RIIAD1: variants seen among roughly 807,000 people sequenced by gnomAD.
The protein encoded by RIIAD1 is regulatory subunit of type II PKA R-subunit domain containing 1.
RIIAD1 carries 15 observed loss-of-function variants against 13.3 expected under a neutral mutation model. The ratio of observed to expected loss-of-function variants is 1.13; its 90% CI spans 0.76 to 1.74. RIIAD1 has a LOEUF of 1.74. Ranked by LOEUF, RIIAD1 falls within the 40% of genes most tolerant of loss-of-function variation. The pLI is 0.00. For missense variants in RIIAD1, 121 were observed against 112.2 expected (o/e 1.08, Z -0.35); for synonymous variants, 50 against 43.3 (o/e 1.16, Z -0.61).
At chr1:151,721,728 T>G in intron 1 of RIIAD1, 108 bp downstream of exon 1, 3 of 614,604 alleles carry the variant, frequency 4.9e-6, no homozygotes, top group Non-Finnish European at 7.4e-6. Context: ...CGGGAGCCTG[T>G]TCCCTGATAA....
At chr1:151,721,983 T>C in intron 1 of RIIAD1, 103 bp from the exon 2 acceptor site, 1 of 777,316 alleles carries the variant, frequency 1.3e-6, no homozygotes, top group Admixed American at 2.4e-5. Flanking sequence ...GGGGAAAGAC[T>C]TGGGTTAAAT....
At chr1:151,726,019 C>T (rs1483209749) in intron 2 of RIIAD1, among the ~76,000 whole-genome samples, 1 of 152,204 alleles carries the variant, frequency 6.6e-6, no homozygotes, top group Non-Finnish European at 1.5e-5. Context: ...CTACAACCCA[C>T]TTCCTACTCT....
At chr1:151,721,510 G>T, upstream of RIIAD1, 1 of 1,286,802 alleles carries the variant, frequency 7.8e-7, no homozygotes. Flanking sequence ...CCGGCTCGCG[G>T]CCGGTCGCCT....
At chr1:151,728,739 A>G (rs1474412164) in intron 3 of RIIAD1, 27 bp from the exon 4 acceptor site, 1 of 1,357,890 alleles carries the variant, frequency 7.4e-7, no homozygotes, top group East Asian at 2.5e-5. Flanking sequence ...GGTATAGATG[A>G]TGTCTTCTTT....
Position 151,721,567 on chromosome 1 carries a change from C to G in RIIAD1, c.31C>G (p.Pro11Ala). 4 of 1,327,650 alleles carry G rather than the reference C, an allele frequency of 3.0e-6. No homozygotes were observed. Among genetic ancestry groups the G allele is most frequent in the Non-Finnish European group, 2.9e-6 (3 of 1,036,744 alleles). 82.2% of individuals were successfully genotyped at this position (1,327,650 alleles called of 1,614,324 possible). The stretch of plus-strand genomic sequence containing the variant: ...GACGCTGCCAGGCTTGCTGCAGCGG[C>G]CCGACCCCGGGGCGCTTAGCGCAGC... The part of the protein sequence containing the change: METLPGLLQR[P>A]DPGALSAAQL... Residue 11 changes from proline to alanine, a missense_variant, in exon 1 of 5, where the codon CCC becomes GCC. By Grantham distance (27) the Pro-to-Ala change is conservative. Transcript: ENST00000479191.
chr1:151,719,232 C>T (rs1416447848), upstream of RIIAD1, among the ~76,000 whole-genome samples: 1 of 152,114 alleles, frequency 6.6e-6, no homozygotes, highest in African/African-American at 2.4e-5. Flanking sequence ...GTGAACACAT[C>T]TCTGGTGTTC....
At chr1:151,719,849 C>T (rs1164244039), upstream of RIIAD1, among the ~76,000 whole-genome samples, 4 of 152,096 alleles carry the variant, frequency 2.6e-5, no homozygotes, top group South Asian at 2.1e-4. Flanking sequence ...GATTGGCAGA[C>T]GGAGGGTATC....
rs1186857945 is a variant in RIIAD1, at chr1:151,728,864, G to A, written c.*28G>A. On this transcript the variant is annotated 3_prime_UTR_variant, in exon 4 of 5. Transcript: ENST00000479191. ...AGCAAAATCATGATGCTCAGCTGTT[G>A]GGAGAGACCAGACGGAATCCAGCCT... 3 of 1,348,316 alleles carry A rather than the reference G, an allele frequency of 2.2e-6. No homozygotes were observed. Among genetic ancestry groups the A allele is most frequent in the Non-Finnish European group, 2.1e-6 (2 of 961,778 alleles). 83.5% of individuals were successfully genotyped at this position (1,348,316 alleles called of 1,614,324 possible). A position where few individuals can be genotyped will look rare whatever the true frequency, so the allele number is the denominator to read the frequency against.
chr1:151,727,500 C>A, intron 2 of RIIAD1, 75 bp from the exon 3 acceptor site: 2 of 960,230 alleles, frequency 2.1e-6, no homozygotes, highest in Non-Finnish European at 3.3e-6. Context: ...TGTGAAAGTA[C>A]AGGACCTGAA....
intron 2 of RIIAD1, among the ~76,000 whole-genome samples, chr1:151,723,656 C>T (rs557875259): frequency 2.0e-5 from 3 of 152,212 alleles, no homozygotes; most frequent in South Asian, 2.1e-4. Context: ...GCCGAGATTG[C>T]GCCACTGCAC....
chr1:151,717,801 G>A (rs1300157444), upstream of RIIAD1, among the ~76,000 whole-genome samples: 1 of 152,188 alleles, frequency 6.6e-6, no homozygotes, highest in Admixed American at 6.5e-5. Context: ...AGCAGGGGAG[G>A]CACATTCGGG....
At chr1:151,724,882 C>T (rs947127778) in intron 2 of RIIAD1, among the ~76,000 whole-genome samples, 13 of 151,964 alleles carry the variant, frequency 8.6e-5, no homozygotes, top group Non-Finnish European at 1.5e-4. Context: ...TCACTGCAAC[C>T]TCCGCCTCCC....
upstream of RIIAD1, among the ~76,000 whole-genome samples, chr1:151,717,593 C>T (rs984295730): frequency 1.3e-5 from 2 of 152,236 alleles, no homozygotes; most frequent in African/African-American, 4.8e-5. Flanking sequence ...CCCTGTCTTG[C>T]TCATGCGTAG....
At chr1:151,727,747 C>A in intron 3 of RIIAD1, 126 bp downstream of exon 3, 1 of 654,490 alleles carries the variant, frequency 1.5e-6, no homozygotes, top group Non-Finnish European at 2.7e-6. Context: ...CTGATGTCCC[C>A]AAAGGGAGCT....
chr1:151,718,272 A>G (rs1558117051), upstream of RIIAD1, among the ~76,000 whole-genome samples: 1 of 151,170 alleles, frequency 6.6e-6, no homozygotes, highest in African/African-American at 2.4e-5. Flanking sequence ...AACCCTCACC[A>G]CCCCCCTATG....
chr1:151,715,867 A>G, intron 4 of RIIAD1: 1 of 1,607,954 alleles, frequency 6.2e-7, no homozygotes, highest in Admixed American at 1.7e-5. Flanking sequence ...AGCCTGCCCG[A>G]CCCCTCACCC....
intron 2 of RIIAD1, among the ~76,000 whole-genome samples, chr1:151,724,350 G>A (rs1673789997): frequency 6.6e-6 from 1 of 152,150 alleles, no homozygotes; most frequent in Non-Finnish European, 1.5e-5. Context: ...GAAGTTTTAG[G>A]GTTTACTTTT....
At chr1:151,726,203 GT>G (rs1024050159) in intron 2 of RIIAD1, among the ~76,000 whole-genome samples, 1 of 152,020 alleles carries the variant, frequency 6.6e-6, no homozygotes, top group Non-Finnish European at 1.5e-5. Flanking sequence ...GATTGTTGGG[GT>G]CCCCCTCTCA....
Position 151,728,860 on chromosome 1 carries a change from T to A in RIIAD1, c.*24T>A, listed in dbSNP as rs1380832582. On this transcript the variant is annotated 3_prime_UTR_variant, in exon 4 of 5. Coordinates refer to ENST00000479191, the MANE Select transcript of RIIAD1 (RefSeq NM_001144956.3). Reference sequence around the variant, plus strand: ...AATTAGCAAAATCATGATGCTCAGCTGTTGGGAGAGACCAGACGGAATCCA... The same window carrying A: ...AATTAGCAAAATCATGATGCTCAGCAGTTGGGAGAGACCAGACGGAATCCA... 1.4e-6 allele frequency: 2 copies of A among 1,396,724 alleles called. No homozygotes were observed. The highest frequency in any genetic ancestry group is 3.9e-5 in the Admixed American group (2 of 50,796). The allele number at this position is 1,396,724 out of a possible 1,614,324, so 86.5% of individuals were successfully genotyped here.
Sources: gnomAD v4.1 joint callset for allele counts (sites outside exome capture counted in the v4.1 genomes callset) on GRCh38, gnomAD v4.1.1 for gene constraint, MANE v1.5 for transcripts, NCBI Gene and HGNC (gene_info 2026-07-23, HGNC 2026-07-21) for gene names.